Variants in YTHDC1 observed in about 807,000 individuals in gnomAD.
YTHDC1 encodes YTH N6-methyladenosine RNA binding protein C1.
In YTHDC1, 12 loss-of-function variants were observed where a neutral mutation model predicts 107.0. That is an observed-to-expected ratio of 0.11 (90% CI 0.07 to 0.18). The LOEUF is 0.18. YTHDC1 is among the 10% of genes least tolerant of loss of function. The probability of loss-of-function intolerance (pLI) is 1.00; values close to 1 mark genes in which losing one functional copy is unlikely to be tolerated. For missense variants in YTHDC1, 635 were observed against 898.8 expected, an observed-to-expected ratio of 0.71 and a Z score of 3.75; for synonymous variants, 280 against 289.5, an observed-to-expected ratio of 0.97 and a Z score of 0.33.
intron 16 of YTHDC1, 154 bp downstream of exon 16, chr4:68,316,160 G>C: frequency 1.2e-6 from 1 of 830,824 alleles, no homozygotes; most frequent in East Asian, 2.8e-5. Context: ...GGCATAATCA[G>C]GCATTTTTAA....
intron 1 of YTHDC1, among the ~76,000 whole-genome samples, chr4:68,346,960 TG>T (rs1285378950): frequency 1.3e-5 from 2 of 152,170 alleles, no homozygotes; most frequent in African/African-American, 4.8e-5. Flanking sequence ...TGGTAGAGGT[TG>T]GGGGTCAGGG....
At chr4:68,318,929 C>G in intron 12 of YTHDC1, 67 bp from the exon 13 acceptor site, 2 of 1,497,768 alleles carry the variant, frequency 1.3e-6, no homozygotes, top group Non-Finnish European at 9.3e-7. Context: ...TATAATTAAA[C>G]CTTCCTTACC....
Position 68,324,213 on chromosome 4 carries a change from G to C in YTHDC1, c.1360C>G (p.Pro454Ala). The change falls in exon 10 of 17, where the codon CCC becomes GCC. Residue 454 changes from proline (P) to alanine (A), a missense_variant. Pro to Ala is a conservative substitution (Grantham distance 27). Around this residue, in one of 5 missense-constraint regions of YTHDC1, gnomAD observed 256 missense variants for 372.9 expected, o/e 0.69. Transcript: ENST00000344157. ...GTGAGATGAGCCGACTTAGTGAAGG[G>C]TAATTCACGCCTAAATACAAAGTAA... ...KIDWICRREL[P>A]FTKSAHLTNP... 1.9e-6 allele frequency: 3 copies of C among 1,613,236 alleles called. No individual in the cohort carries two copies. Among genetic ancestry groups the C allele is most frequent in the East Asian group, 2.2e-5 (1 of 44,856 alleles).
chr4:68,326,152 T>G (rs1722970343), intron 9 of YTHDC1, among the ~76,000 whole-genome samples: 1 of 152,164 alleles, frequency 6.6e-6, no homozygotes, highest in Non-Finnish European at 1.5e-5. Context: ...ATTATCACTG[T>G]TATTTAAATA....
chr4:68,336,697 A>G (rs190987024), intron 4 of YTHDC1, among the ~76,000 whole-genome samples: 1 of 152,224 alleles, frequency 6.6e-6, no homozygotes, highest in African/African-American at 2.4e-5. Context: ...ATATACTTCA[A>G]GTACATCAGT....
At position 68,349,959 on chromosome 4, in the gene YTHDC1, G is replaced by A. The variant is rs1486554612; in HGVS notation, c.-206C>T. ...CTTCCTTTCACTCCAGCATCCAGCGGCCTAGGCCCAGCCTTCTCGTTAGGG... is the reference window on the plus strand; with the variant it reads ...CTTCCTTTCACTCCAGCATCCAGCGACCTAGGCCCAGCCTTCTCGTTAGGG... On this transcript the variant is annotated 5_prime_UTR_variant, in exon 1 of 17. Coordinates refer to ENST00000344157, the MANE Select transcript of YTHDC1 (RefSeq NM_001031732.4). 1.4e-5 allele frequency: 10 copies of A among 699,282 alleles called. No homozygotes were observed. Among genetic ancestry groups the A allele is most frequent in the African/African-American group, 1.8e-5 (1 of 55,914 alleles). The allele number at this position is 699,282 out of a possible 1,614,324, so 43.3% of individuals were successfully genotyped here.
In YTHDC1 at chr4:68,313,962, G is replaced by C. The variant is rs991922786; in HGVS notation, c.*137C>G. On this transcript the variant is annotated 3_prime_UTR_variant, in exon 17 of 17. Coordinates refer to ENST00000344157, the MANE Select transcript of YTHDC1 (RefSeq NM_001031732.4). ...ATGATACTGCATGCTTGGAACAAAGGGGGTCATAATAAATCCTTCTACACA... is the reference window on the plus strand; with the variant it reads ...ATGATACTGCATGCTTGGAACAAAGCGGGTCATAATAAATCCTTCTACACA... 19 of 904,038 alleles carry C rather than the reference G, an allele frequency of 2.1e-5. No individual in the cohort carries two copies. The highest frequency in any genetic ancestry group is 3.5e-4 in the Middle Eastern group (1 of 2,850). The allele number at this position is 904,038 out of a possible 1,614,324, so 56.0% of individuals were successfully genotyped here.
At chr4:68,319,043 T>C (rs1369228554) in intron 12 of YTHDC1, among the ~76,000 whole-genome samples, 181 bp from the exon 13 acceptor site, 1 of 152,186 alleles carries the variant, frequency 6.6e-6, no homozygotes, top group Non-Finnish European at 1.5e-5. Flanking sequence ...ATCTAGGAAA[T>C]AACTAATGAT....
chr4:68,323,918 T>A (rs1485699912), intron 10 of YTHDC1, among the ~76,000 whole-genome samples: 2 of 152,224 alleles, frequency 1.3e-5, no homozygotes, highest in Non-Finnish European at 2.9e-5. Context: ...TTTCCTTCAA[T>A]TGTATCAAAT....
intron 1 of YTHDC1, among the ~76,000 whole-genome samples, chr4:68,338,841 T>C (rs1724509575): frequency 6.6e-6 from 1 of 151,912 alleles, no homozygotes; most frequent in Non-Finnish European, 1.5e-5. Flanking sequence ...TAAGAGTGAG[T>C]TTCTCAAAAT....
chr4:68,332,962 AC>A (rs1723757837), intron 5 of YTHDC1, 115 bp from the exon 6 acceptor site: 1 of 840,612 alleles, frequency 1.2e-6, no homozygotes, highest in African/African-American at 1.7e-5. Context: ...TTCCTGGCGC[AC>A]CCACACACAC....
intron 1 of YTHDC1, among the ~76,000 whole-genome samples, chr4:68,346,293 T>G (rs1025534965): frequency 2.6e-5 from 4 of 152,042 alleles, no homozygotes; most frequent in Admixed American, 2.6e-4. Flanking sequence ...CACACACCTG[T>G]AGTCCCAGCT....
intron 9 of YTHDC1, among the ~76,000 whole-genome samples, chr4:68,325,688 G>A (rs902179009): frequency 2.6e-5 from 4 of 152,004 alleles, no homozygotes; most frequent in African/African-American, 9.7e-5. Context: ...TGGCCTGAAT[G>A]CTCAGATCTT....
Position 68,313,961 on chromosome 4 carries a change from G to A in YTHDC1, c.*138C>T. 1.1e-6 allele frequency: 1 copy of A among 902,656 alleles called. No homozygotes were observed. Among genetic ancestry groups the A allele is most frequent in the Non-Finnish European group, 1.7e-6 (1 of 586,152 alleles). 55.9% of individuals were successfully genotyped at this position (902,656 alleles called of 1,614,324 possible). On this transcript the variant is annotated 3_prime_UTR_variant, in exon 17 of 17. Transcript: ENST00000344157. ...TATGATACTGCATGCTTGGAACAAA[G>A]GGGGTCATAATAAATCCTTCTACAC...
chr4:68,340,286 C>T (rs1468104817), intron 1 of YTHDC1, among the ~76,000 whole-genome samples: 2 of 152,036 alleles, frequency 1.3e-5, no homozygotes, highest in African/African-American at 4.8e-5. Context: ...TGGAAACAGA[C>T]ACAATCTAAA....
Position 68,314,021 on chromosome 4 carries a change from TTAC to T in YTHDC1, c.*75_*77del. The stretch of plus-strand genomic sequence containing the variant: ...CATAGGCAGACAGCTGAAAATAAAT[TTAC>T]TACTTGTAAACACACACAAAAAAAA... On this transcript the variant is annotated 3_prime_UTR_variant, in exon 17 of 17. Coordinates refer to ENST00000344157, the MANE Select transcript of YTHDC1 (RefSeq NM_001031732.4). 1 of 1,422,694 alleles carries T rather than the reference TTAC, an allele frequency of 7.0e-7. No homozygotes were observed. The highest frequency in any genetic ancestry group is 9.7e-7 in the Non-Finnish European group (1 of 1,030,224). The allele number at this position is 1,422,694 out of a possible 1,614,324, so 88.1% of individuals were successfully genotyped here.
intron 2 of YTHDC1, 68 bp downstream of exon 2, chr4:68,338,215 T>C (rs533440405): frequency 6.9e-7 from 1 of 1,439,440 alleles, no homozygotes; most frequent in East Asian, 2.4e-5. Context: ...ACAGTCATTT[T>C]TTTTAAGAAA....
chr4:68,342,035 T>C (rs1446143588), intron 1 of YTHDC1, among the ~76,000 whole-genome samples: 1 of 152,156 alleles, frequency 6.6e-6, no homozygotes, highest in African/African-American at 2.4e-5. Context: ...TAAAATCTGG[T>C]CCAGAACACA....
chr4:68,335,177 T>C (rs1724015754), intron 4 of YTHDC1, among the ~76,000 whole-genome samples: 1 of 152,152 alleles, frequency 6.6e-6, no homozygotes, highest in Admixed American at 6.5e-5. Context: ...TGAACTGGAA[T>C]CTAGAAAATT....
Sources: allele counts gnomAD v4.1 joint callset (sites outside exome capture counted in the v4.1 genomes callset), GRCh38; gene constraint gnomAD v4.1.1; regional missense constraint gnomAD v4.1.1; transcripts MANE v1.5; gene names NCBI Gene and HGNC (gene_info 2026-07-23, HGNC 2026-07-21).